UCHL3: variants seen among roughly 807,000 people sequenced by gnomAD.
UCHL3 encodes the protein ubiquitin C-terminal hydrolase L3.
In UCHL3, 22 loss-of-function variants were observed where a neutral mutation model predicts 35.8. That is an observed-to-expected ratio of 0.61 (90% CI 0.44 to 0.88). UCHL3 has a LOEUF of 0.88. Among genes scored for constraint, UCHL3 ranks in the 40% least tolerant of loss-of-function variants. UCHL3 has a pLI of 0.00. For synonymous variants in UCHL3, 90 were observed against 92.8 expected, an observed-to-expected ratio of 0.97 and a Z score of 0.17; for missense variants, 229 against 276.9, an observed-to-expected ratio of 0.83 and a Z score of 1.23.
intron 6 of UCHL3, among the ~76,000 whole-genome samples, chr13:75,572,600 G>A (rs1420785654): frequency 6.6e-6 from 1 of 152,040 alleles, no homozygotes; most frequent in Non-Finnish European, 1.5e-5. Context: ...TTACACATAA[G>A]TACAACATAT....
chr13:75,599,995 G>A (rs1792091918), intron 7 of UCHL3, among the ~76,000 whole-genome samples: 1 of 152,226 alleles, frequency 6.6e-6, no homozygotes, highest in Admixed American at 6.5e-5. Context: ...TGAATGACGA[G>A]AAAGCAAAAC....
intron 7 of UCHL3, among the ~76,000 whole-genome samples, chr13:75,601,491 C>T (rs1350549110): frequency 6.6e-6 from 1 of 152,196 alleles, no homozygotes; most frequent in African/African-American, 2.4e-5. Flanking sequence ...GCAAGCCCCT[C>T]CATCAGCAAA....
chr13:75,554,900 T>A (rs540836386), intron 2 of UCHL3, among the ~76,000 whole-genome samples: 2 of 152,244 alleles, frequency 1.3e-5, no homozygotes, highest in African/African-American at 2.4e-5. Context: ...GATCCTCTCC[T>A]CAGCCTTCAC....
chr13:75,592,670 T>G (rs1014152965), intron 6 of UCHL3, among the ~76,000 whole-genome samples: 4 of 151,510 alleles, frequency 2.6e-5, no homozygotes, highest in Admixed American at 2.6e-4. Flanking sequence ...AGGAAAGGGC[T>G]TATCACAGGT....
intron 2 of UCHL3, among the ~76,000 whole-genome samples, chr13:75,556,906 A>C (rs2031310146): frequency 1.3e-5 from 2 of 152,190 alleles, no homozygotes; most frequent in African/African-American, 2.4e-5. Flanking sequence ...TCCCAGACGT[A>C]GTTTTCTTAT....
chr13:75,593,791 T>C (rs2032573382), intron 6 of UCHL3, among the ~76,000 whole-genome samples: 1 of 152,222 alleles, frequency 6.6e-6, no homozygotes, highest in South Asian at 2.1e-4. Flanking sequence ...AGAAACATTC[T>C]GTATATCCAA....
intron 6 of UCHL3, chr13:75,589,923 T>C (rs1032892638): frequency 4.6e-6 from 6 of 1,291,626 alleles, no homozygotes; most frequent in Non-Finnish European, 5.1e-6. Context: ...AATATTCTCT[T>C]TTTTAATTAT....
intron 6 of UCHL3, among the ~76,000 whole-genome samples, chr13:75,573,626 A>T (rs2138511139): frequency 6.6e-6 from 1 of 152,224 alleles, no homozygotes; most frequent in African/African-American, 2.4e-5. Flanking sequence ...GTGGAGAGAG[A>T]CGGGGAGAGA....
intron 7 of UCHL3, among the ~76,000 whole-genome samples, chr13:75,595,271 C>T (rs2032614249): frequency 6.6e-6 from 1 of 152,182 alleles, no homozygotes; most frequent in South Asian, 2.1e-4. Flanking sequence ...TCAAATCTCT[C>T]TGGCAATCAT....
At chr13:75,568,788 A>G (rs965279802) in intron 5 of UCHL3, among the ~76,000 whole-genome samples, 1 of 152,138 alleles carries the variant, frequency 6.6e-6, no homozygotes, top group East Asian at 1.9e-4. Flanking sequence ...ATAAACTCCT[A>G]GAAGAGAAGT....
chr13:75,563,685 G>A (rs2031589811), intron 3 of UCHL3, among the ~76,000 whole-genome samples: 1 of 151,922 alleles, frequency 6.6e-6, no homozygotes, highest in African/African-American at 2.4e-5. Context: ...ATTAACTTTA[G>A]TCTTCTACTT....
intron 6 of UCHL3, among the ~76,000 whole-genome samples, chr13:75,577,401 GA>G (rs368027062): frequency 0.027 from 4,122 of 152,236 alleles, 182 homozygotes; most frequent in African/African-American, 0.094. Flanking sequence ...GTAATCTAGA[GA>G]TGATTTAAAG....
At chr13:75,605,693 A>C in intron 8 of UCHL3, 36 bp from the exon 9 acceptor site, 1 of 1,591,350 alleles carries the variant, frequency 6.3e-7, no homozygotes, top group Non-Finnish European at 8.6e-7. Context: ...AAACACTTTT[A>C]CACTGAAAAA....
rs1566212344 is a variant in UCHL3, at chr13:75,563,127, T to TATGTATG, written c.183+2246_183+2247insATGTATG. ...ACTGTCATGGGTACCTCATTATCCT[T>TATGTATG]TATGTATGTATGTATGTATGTATGT... On this transcript the variant is annotated intron_variant, in intron 3 of 8. Transcript: ENST00000377595. Among the ~76,000 whole-genome samples the TATGTATG allele has an allele frequency of 3.4e-3, 190 of 56,412 alleles. 1 individual carries two copies. The highest frequency in any genetic ancestry group is 7.1e-3 in the African/African-American group (183 of 25,694). The allele number at this position is 56,412 out of a possible 152,430, so 37.0% of individuals were successfully genotyped here.
At chr13:75,600,690 T>C (rs1208199879) in intron 7 of UCHL3, among the ~76,000 whole-genome samples, 3 of 152,252 alleles carry the variant, frequency 2.0e-5, no homozygotes, top group African/African-American at 7.2e-5. Context: ...AGAAGTCCGA[T>C]ATAGATATAT....
intron 8 of UCHL3, among the ~76,000 whole-genome samples, chr13:75,605,138 TA>T (rs1260162372): frequency 1.3e-5 from 2 of 152,220 alleles, no homozygotes; most frequent in Non-Finnish European, 2.9e-5. Context: ...TTAGAGATTT[TA>T]AAACATGAAT....
chr13:75,601,875 C>T (rs948961414), intron 7 of UCHL3, among the ~76,000 whole-genome samples: 31 of 152,080 alleles, frequency 2.0e-4, no homozygotes, highest in African/African-American at 6.5e-4. Flanking sequence ...TTTGGGAGGC[C>T]GAGGTGGGTG....
At chr13:75,574,933 T>A (rs2031975854) in intron 6 of UCHL3, among the ~76,000 whole-genome samples, 1 of 152,204 alleles carries the variant, frequency 6.6e-6, no homozygotes, top group South Asian at 2.1e-4. Context: ...CTGAGAATTC[T>A]ACAGAGGGAG....
intron 7 of UCHL3, among the ~76,000 whole-genome samples, chr13:75,597,365 A>T (rs1277796866): frequency 6.8e-6 from 1 of 147,528 alleles, no homozygotes; most frequent in Non-Finnish European, 1.5e-5. Flanking sequence ...GCAAGACGTC[A>T]TCTCTTAAAA....
Sources: allele counts gnomAD v4.1 joint callset (sites outside exome capture counted in the v4.1 genomes callset), GRCh38; gene constraint gnomAD v4.1.1; transcripts MANE v1.5; gene names NCBI Gene and HGNC (gene_info 2026-07-23, HGNC 2026-07-21).